Variants in CCNB3 observed in about 807,000 individuals in gnomAD.
CCNB3 encodes the protein G2/mitotic-specific cyclin-B3.
In CCNB3, 12 loss-of-function variants were observed where a neutral mutation model predicts 68.0. The ratio of observed to expected loss-of-function variants is 0.18; its 90% CI spans 0.11 to 0.29. The LOEUF (loss-of-function observed/expected upper bound fraction) is 0.29. Among genes scored for constraint, CCNB3 ranks in the 10% least tolerant of loss-of-function variants. The pLI is 1.00. For missense variants in CCNB3, 904 were observed against 993.1 expected, an observed-to-expected ratio of 0.91 and a Z score of 1.21; for synonymous variants, 354 against 388.9, an observed-to-expected ratio of 0.91 and a Z score of 1.06.
chrX:50,312,269 T>C (rs189695083), intron 6 of CCNB3, among the ~76,000 whole-genome samples: 154 of 110,876 alleles, frequency 1.4e-3, no homozygotes, highest in African/African-American at 4.7e-3. Context: ...ATGTCCGTCT[T>C]GGAGAATCTT....
Position 50,311,068 on chromosome X carries a change from T to C in CCNB3, c.2899T>C (p.Leu967=). 8.3e-7 allele frequency: 1 copy of C among 1,209,049 alleles called. No individual in the cohort carries two copies. Among genetic ancestry groups the C allele is most frequent in the Non-Finnish European group, 1.1e-6 (1 of 894,857 alleles). Residue 967 remains leucine (L), a synonymous_variant, in exon 6 of 13, where the codon TTG becomes CTG. Transcript: ENST00000376042. ...GGAAGACACCTTTCTCAAAACATTGTTGGTCCCCCAAGTTGGAACCAGCCC... is the reference window on the plus strand; with the variant it reads ...GGAAGACACCTTTCTCAAAACATTGCTGGTCCCCCAAGTTGGAACCAGCCC... The part of the protein sequence containing the change: ...YKEDTFLKTL[L]VPQVGTSPNV...
intron 1 of CCNB3, among the ~76,000 whole-genome samples, chrX:50,279,534 T>A (rs1416103553): frequency 1.2e-5 from 1 of 84,433 alleles, no homozygotes; most frequent in East Asian, 3.5e-4. Context: ...GATATATGAA[T>A]ATATATTCAT....
intron 1 of CCNB3, among the ~76,000 whole-genome samples, chrX:50,228,912 AAT>A (rs1478604495): frequency 6.2e-5 from 4 of 64,114 alleles, no homozygotes; most frequent in African/African-American, 6.6e-5. Flanking sequence ...ATATATATAG[AAT>A]ATATATAAAT....
intron 10 of CCNB3, 152 bp from the exon 11 acceptor site, chrX:50,347,474 G>A (rs957894038): frequency 1.7e-5 from 8 of 479,025 alleles, no homozygotes; most frequent in Non-Finnish European, 2.8e-5. Context: ...TTGTGGGTAG[G>A]GAAGATGAAG....
chrX:50,330,163 G>A (rs906774201), intron 8 of CCNB3, among the ~76,000 whole-genome samples: 45 of 111,823 alleles, frequency 4.0e-4, no homozygotes, highest in Admixed American at 9.5e-5. Flanking sequence ...AAGGGGGTCT[G>A]CATGAGAGGG....
At chrX:50,343,725 G>A (rs1923254022) in intron 9 of CCNB3, among the ~76,000 whole-genome samples, 1 of 111,707 alleles carries the variant, frequency 9.0e-6, no homozygotes. Context: ...TTTTTTTAAA[G>A]AAGAAAGCTT....
chrX:50,284,242 G>A, intron 1 of CCNB3, among the ~76,000 whole-genome samples: 1 of 110,666 alleles, frequency 9.0e-6, no homozygotes, highest in Non-Finnish European at 1.9e-5. Flanking sequence ...GGTAATTTTA[G>A]TTTGCCCTCA....
chrX:50,208,869 G>A (rs1471567474), intron 1 of CCNB3, among the ~76,000 whole-genome samples: 3 of 111,437 alleles, frequency 2.7e-5, no homozygotes, highest in Non-Finnish European at 3.8e-5. Flanking sequence ...ATCTGGGCCC[G>A]GAGATTACTC....
At chrX:50,302,764 T>C (rs1336113185) in intron 5 of CCNB3, among the ~76,000 whole-genome samples, 1 of 112,006 alleles carries the variant, frequency 8.9e-6, no homozygotes, top group Non-Finnish European at 1.9e-5. Context: ...TTTGAGGTTA[T>C]CCGTGTCATA....
At chrX:50,345,983 G>T (rs1326154348) in intron 9 of CCNB3, among the ~76,000 whole-genome samples, 2 of 112,240 alleles carry the variant, frequency 1.8e-5, no homozygotes, top group African/African-American at 6.5e-5. Flanking sequence ...TGTCCTCATT[G>T]TTTCTCCAAA....
At chrX:50,334,167 T>C (rs1369542374) in intron 8 of CCNB3, among the ~76,000 whole-genome samples, 1 of 112,179 alleles carries the variant, frequency 8.9e-6, no homozygotes, top group Non-Finnish European at 1.9e-5. Flanking sequence ...ATCTTTCTCC[T>C]TGTGGGTTGA....
At chrX:50,225,903 T>A (rs1286093875) in intron 1 of CCNB3, among the ~76,000 whole-genome samples, 2 of 102,661 alleles carry the variant, frequency 1.9e-5, no homozygotes, top group African/African-American at 3.5e-5. Context: ...AGGGCCAGCT[T>A]TTAGATGATA....
chrX:50,212,222 C>T (rs1267887285), intron 1 of CCNB3, among the ~76,000 whole-genome samples: 1 of 112,144 alleles, frequency 8.9e-6, no homozygotes, highest in African/African-American at 3.2e-5. Flanking sequence ...TTCACTTACC[C>T]TGCTAAGGAT....
intron 1 of CCNB3, among the ~76,000 whole-genome samples, chrX:50,220,088 G>GCA (rs1164679295): frequency 1.8e-5 from 2 of 111,504 alleles, no homozygotes; most frequent in African/African-American, 6.5e-5. Context: ...TGGTGGATAG[G>GCA]AATGCTTGTG....
chrX:50,338,635 T>C (rs1222452809), intron 8 of CCNB3, among the ~76,000 whole-genome samples: 1 of 112,534 alleles, frequency 8.9e-6, no homozygotes, highest in Non-Finnish European at 1.9e-5. Flanking sequence ...ACTACTGATT[T>C]CACTTCTGTC....
chrX:50,351,748 T>G lies in CCNB3; in HGVS notation c.*45T>G, dbSNP rs1557221240. 1 of 985,404 alleles carries G rather than the reference T, an allele frequency of 1.0e-6. No homozygotes were observed. The highest frequency in any genetic ancestry group is 1.4e-6 in the Non-Finnish European group (1 of 711,943). 81.2% of individuals were successfully genotyped at this position (985,404 alleles called of 1,213,427 possible). On this transcript the variant is annotated 3_prime_UTR_variant, in exon 13 of 13. Transcript: ENST00000376042. ...CATGCATGTTAACAGGGTATATTTA[T>G]TCTATGTTCGAATTTGTCTTTTGAT... is the stretch of plus-strand genomic sequence containing the variant.
At chrX:50,336,786 G>A (rs893263325) in intron 8 of CCNB3, among the ~76,000 whole-genome samples, 1 of 111,187 alleles carries the variant, frequency 9.0e-6, no homozygotes, top group African/African-American at 3.3e-5. Flanking sequence ...CCTGTTCCTG[G>A]CAGCTGAATT....
chrX:50,207,973 A>G (rs373077531), intron 1 of CCNB3, among the ~76,000 whole-genome samples: 311 of 111,731 alleles, frequency 2.8e-3, no homozygotes, highest in African/African-American at 9.3e-3. Flanking sequence ...TTCTGTCTCT[A>G]TAGGTTTGCC....
intron 1 of CCNB3, among the ~76,000 whole-genome samples, chrX:50,210,299 T>A (rs1935462711): frequency 8.9e-6 from 1 of 111,829 alleles, no homozygotes; most frequent in Non-Finnish European, 1.9e-5. Context: ...CAGTATCTTC[T>A]CAGGATGGTA....
Sources: allele counts gnomAD v4.1 joint callset (sites outside exome capture counted in the v4.1 genomes callset), GRCh38; gene constraint gnomAD v4.1.1; transcripts MANE v1.5; gene names NCBI Gene and HGNC (gene_info 2026-07-23, HGNC 2026-07-21).